SCFD1: variants seen among roughly 807,000 people sequenced by gnomAD.
SCFD1 encodes the protein sec1 family domain containing 1, also known as sec1 family domain-containing protein 1.
Under a neutral mutation model 103.2 loss-of-function variants are expected in SCFD1, and 37 were observed. That is an observed-to-expected ratio of 0.36 (90% CI 0.28 to 0.47). The LOEUF (loss-of-function observed/expected upper bound fraction) is 0.47. Ranked by LOEUF, SCFD1 falls within the 20% of genes least tolerant of loss-of-function variation. SCFD1 has a pLI of 1.00. For synonymous variants in SCFD1, 264 were observed against 245.0 expected, an observed-to-expected ratio of 1.08 and a Z score of -0.73; for missense variants, 639 against 761.2, an observed-to-expected ratio of 0.84 and a Z score of 1.89.
intron 15 of SCFD1, among the ~76,000 whole-genome samples, chr14:30,699,789 C>T (rs939742303): frequency 6.6e-6 from 1 of 152,098 alleles, no homozygotes; most frequent in Non-Finnish European, 1.5e-5. Context: ...CCAGGATAGT[C>T]CCACTTTCAT....
chr14:30,693,285 ACT>A (rs1432058736), intron 14 of SCFD1, among the ~76,000 whole-genome samples: 3 of 152,242 alleles, frequency 2.0e-5, no homozygotes, highest in East Asian at 1.9e-4. Context: ...GCACAAAGAA[ACT>A]CTAAAAAAAA....
intron 6 of SCFD1, among the ~76,000 whole-genome samples, chr14:30,642,222 G>A (rs888635599): frequency 1.3e-5 from 2 of 152,032 alleles, no homozygotes; most frequent in African/African-American, 4.8e-5. Flanking sequence ...CAAGTAGCTG[G>A]GATTACAGGT....
intron 14 of SCFD1, among the ~76,000 whole-genome samples, chr14:30,677,665 AGCG>A (rs1320464308): frequency 6.6e-6 from 1 of 151,908 alleles, no homozygotes; most frequent in Non-Finnish European, 1.5e-5. Flanking sequence ...CATCCTTATA[AGCG>A]GCATGTTTAT....
In SCFD1 at chr14:30,657,082, C is replaced by CG. The variant is rs563947492; in HGVS notation, c.855+3497dup. ...TAATAAGAGCATAGCATACAGATCACGGGTGCCTCATCACACCTGCCAGTG... is the reference window on the plus strand; with the variant it reads ...TAATAAGAGCATAGCATACAGATCACGGGGTGCCTCATCACACCTGCCAGTG... On this transcript the variant is annotated intron_variant, in intron 10 of 24. Transcript: ENST00000458591. 2.5e-4 allele frequency among the ~76,000 whole-genome samples: 38 copies of CG among 152,068 alleles called. 1 individual carries two copies. The South Asian group carries it at 7.9e-3, about 32-fold the overall frequency.
chr14:30,684,974 C>G (rs1889866488), intron 14 of SCFD1, among the ~76,000 whole-genome samples: 1 of 79,258 alleles, frequency 1.3e-5, no homozygotes, highest in Non-Finnish European at 2.3e-5. Flanking sequence ...CCCAACCCCA[C>G]CACAGTCCCC....
At chr14:30,670,842 A>G (rs1210705780) in intron 11 of SCFD1, among the ~76,000 whole-genome samples, 1 of 152,084 alleles carries the variant, frequency 6.6e-6, no homozygotes, top group African/African-American at 2.4e-5. Context: ...GTACATTAGA[A>G]ATAATGAGTG....
rs1885613110 is a variant in SCFD1 at position 30,644,507 on chromosome 14, A to G, written c.613+1102A>G. Among the ~76,000 whole-genome samples the G allele has an allele frequency of 2.0e-5, 3 of 152,150 alleles. No individual in the cohort carries two copies. In the South Asian group the frequency reaches 6.2e-4, roughly 31 times the overall value. On this transcript the variant is annotated intron_variant, in intron 7 of 24. Transcript: ENST00000458591. ...CCCTTTCCTCTGCAACCTCGCCAAC[A>G]TCTGTTATTTTTTGACTTTTTAATA...
intron 2 of SCFD1, among the ~76,000 whole-genome samples, chr14:30,628,748 G>A (rs918279590): frequency 2.0e-5 from 3 of 152,122 alleles, no homozygotes; most frequent in Non-Finnish European, 2.9e-5. Flanking sequence ...AGAAATACTG[G>A]AGAGCCTTTA....
intron 23 of SCFD1, among the ~76,000 whole-genome samples, chr14:30,731,678 C>G (rs966481807): frequency 2.0e-5 from 3 of 152,178 alleles, no homozygotes; most frequent in African/African-American, 7.2e-5. Flanking sequence ...TTTGGGAATG[C>G]TTGTGATTTT....
At chr14:30,690,700 G>A (rs905591351) in intron 14 of SCFD1, among the ~76,000 whole-genome samples, 8 of 147,664 alleles carry the variant, frequency 5.4e-5, no homozygotes, top group Admixed American at 1.3e-4. Flanking sequence ...ACTGGCCTGC[G>A]CCCACTGTCT....
intron 14 of SCFD1, among the ~76,000 whole-genome samples, chr14:30,679,471 T>G (rs565641786): frequency 6.6e-6 from 1 of 152,244 alleles, no homozygotes; most frequent in South Asian, 2.1e-4. Flanking sequence ...TCTCTAAAAT[T>G]TTTTATTCCA....
chr14:30,622,589 C>A, intron 1 of SCFD1, 190 bp downstream of exon 1: 1 of 986,416 alleles, frequency 1.0e-6, no homozygotes, highest in Non-Finnish European at 1.4e-6. Flanking sequence ...TCCTGTGGTG[C>A]AGGAGAAGGA....
Position 30,694,886 on chromosome 14 carries a change from T to G in SCFD1, c.1339+17T>G, listed in dbSNP as rs1890586515. 6.3e-7 allele frequency: 1 copy of G among 1,576,440 alleles called. No individual in the cohort carries two copies. Among genetic ancestry groups the G allele is most frequent in the East Asian group, 2.3e-5 (1 of 42,758 alleles). ...ACCCTGATGGTATGTACCAAAAATT[T>G]GAGGTTAATGTAAGTTTCATATCTG... On this transcript the variant is annotated intron_variant, in intron 15 of 24. Transcript: ENST00000458591.
intron 17 of SCFD1, among the ~76,000 whole-genome samples, chr14:30,705,270 A>G (rs1243319918): frequency 2.0e-5 from 3 of 152,194 alleles, no homozygotes; most frequent in Non-Finnish European, 4.4e-5. Flanking sequence ...GAAGGTAGTG[A>G]ATTTATACTC....
intron 2 of SCFD1, 56 bp downstream of exon 2, chr14:30,628,335 G>A (rs947136446): frequency 1.8e-6 from 2 of 1,086,508 alleles, no homozygotes; most frequent in African/African-American, 1.6e-5. Context: ...CTTATTGGTG[G>A]TAATTGGAGG....
At chr14:30,688,963 T>C (rs1465549242) in intron 14 of SCFD1, among the ~76,000 whole-genome samples, 3 of 62,878 alleles carry the variant, frequency 4.8e-5, no homozygotes, top group Non-Finnish European at 7.4e-5. Flanking sequence ...GGTTGTTCCT[T>C]TCCATGTTTA....
At chr14:30,681,169 C>CG (rs1440508628) in intron 14 of SCFD1, among the ~76,000 whole-genome samples, 1 of 149,588 alleles carries the variant, frequency 6.7e-6, no homozygotes, top group East Asian at 2.0e-4. Context: ...TGCAGTGAGC[C>CG]GAGATCGTGC....
In SCFD1 at chr14:30,639,000, A is replaced by G. The variant is rs372347033; in HGVS notation, c.435+753A>G. 5.2e-4 allele frequency among the ~76,000 whole-genome samples: 79 copies of G among 152,286 alleles called. 1 individual carries two copies. The South Asian group carries it at 0.016, about 30-fold the overall frequency. On this transcript the variant is annotated intron_variant, in intron 5 of 24. Transcript: ENST00000458591. ...TATTTCTGATTAGTTTTTGAGGCTT[A>G]TGCCTTTAATCTTTGTGCTCAAAAT... is the stretch of plus-strand genomic sequence containing the variant.
intron 10 of SCFD1, 115 bp from the exon 11 acceptor site, chr14:30,670,141 A>G (rs1028459141): frequency 1.1e-5 from 8 of 751,778 alleles, no homozygotes; most frequent in African/African-American, 1.8e-5. Flanking sequence ...TTGGGAGGAG[A>G]TGTTTTAAAT....
Sources: gnomAD v4.1 joint callset for allele counts (sites outside exome capture counted in the v4.1 genomes callset) on GRCh38, gnomAD v4.1.1 for gene constraint, MANE v1.5 for transcripts, NCBI Gene and HGNC (gene_info 2026-07-23, HGNC 2026-07-21) for gene names.